ANO4: variants seen among roughly 807,000 people sequenced by gnomAD.
ANO4 encodes anoctamin-4.
A neutral mutation model predicts 141.9 loss-of-function variants in ANO4; 69 were observed. That is an observed-to-expected ratio of 0.49 (90% CI 0.40 to 0.59). ANO4 has a LOEUF of 0.59. Ranked by LOEUF, ANO4 falls within the 20% of genes least tolerant of loss-of-function variation. The pLI is 0.00. For missense variants in ANO4, 894 were observed against 1,162.2 expected, an observed-to-expected ratio of 0.77 and a Z score of 3.36; for synonymous variants, 350 against 394.3, an observed-to-expected ratio of 0.89 and a Z score of 1.33.
intron 1 of ANO4, among the ~76,000 whole-genome samples, chr12:100,868,187 C>T (rs2038853481): frequency 3.3e-5 from 5 of 152,110 alleles, no homozygotes; most frequent in Admixed American, 3.3e-4. Flanking sequence ...CCATAGGATG[C>T]TATGTGGGAG....
chr12:100,730,238 A>G (rs1308566513), intron 1 of ANO4, among the ~76,000 whole-genome samples: 1 of 152,210 alleles, frequency 6.6e-6, no homozygotes, highest in African/African-American at 2.4e-5. Flanking sequence ...AAATTCCACA[A>G]ATATATACAG....
intron 1 of ANO4, among the ~76,000 whole-genome samples, chr12:100,864,163 C>T (rs970664449): frequency 3.9e-5 from 6 of 152,184 alleles, no homozygotes; most frequent in East Asian, 3.9e-4. Context: ...CTAACAATGT[C>T]GTATGCCCGT....
chr12:100,749,207 G>A (rs1306860303), intron 3 of ANO4, among the ~76,000 whole-genome samples: 1 of 152,130 alleles, frequency 6.6e-6, no homozygotes, highest in African/African-American at 2.4e-5. Flanking sequence ...ATCAATAGAG[G>A]TATTGCCGCA....
intron 1 of ANO4, among the ~76,000 whole-genome samples, chr12:100,845,534 A>G (rs992604988): frequency 6.6e-6 from 1 of 152,316 alleles, no homozygotes; most frequent in Non-Finnish European, 1.5e-5. Flanking sequence ...ACATGAGCCA[A>G]TAAATTTGCT....
rs1352027803 is a variant in ANO4 at position 100,821,233 on chromosome 12, G to A, written c.-141+26206G>A. Among the ~76,000 whole-genome samples the A allele has an allele frequency of 2.6e-5, 4 of 152,104 alleles. 1 individual carries two copies. In the South Asian group the frequency reaches 8.3e-4, roughly 32 times the overall value. ...ACCAAATGGTAATCAAAACTTAGTA[G>A]TAAATTTTCAGGAACTAATAAAACA... On this transcript the variant is annotated intron_variant, in intron 1 of 27. Coordinates refer to ENST00000392977, the MANE Select transcript of ANO4 (RefSeq NM_001286615.2).
chr12:100,989,854 A>G (rs140505487), intron 8 of ANO4, among the ~76,000 whole-genome samples: 595 of 141,662 alleles, frequency 4.2e-3, no homozygotes, highest in Non-Finnish European at 7.4e-3. Flanking sequence ...TTGGGTATAC[A>G]CATGGATAGG....
intron 3 of ANO4, among the ~76,000 whole-genome samples, chr12:100,763,709 T>C (rs1437782252): frequency 3.3e-5 from 5 of 152,226 alleles, no homozygotes; most frequent in African/African-American, 1.2e-4. Flanking sequence ...TTTCGGGTCA[T>C]GTGGGCTTTC....
At chr12:100,745,238 T>C (rs964649187) in intron 3 of ANO4, among the ~76,000 whole-genome samples, 2 of 152,216 alleles carry the variant, frequency 1.3e-5, no homozygotes, top group African/African-American at 4.8e-5. Flanking sequence ...GCCATCTACT[T>C]TGATACCTTT....
At chr12:101,085,670 G>T (rs182897919) in intron 16 of ANO4, among the ~76,000 whole-genome samples, 15 of 152,246 alleles carry the variant, frequency 9.9e-5, no homozygotes, top group Admixed American at 8.5e-4. Context: ...AGAGAAAGAA[G>T]ATATGCTGTA....
intron 3 of ANO4, among the ~76,000 whole-genome samples, chr12:100,764,188 A>T (rs570424677): frequency 6.6e-6 from 1 of 152,338 alleles, no homozygotes; most frequent in African/African-American, 2.4e-5. Context: ...CTTCTATCAT[A>T]AAAATGGTTC....
rs148692555 is a variant in ANO4, at chr12:101,020,629, C to G, written c.841+489C>G. Among the ~76,000 whole-genome samples, 1,192 of 152,250 alleles carry G rather than the reference C, an allele frequency of 7.8e-3. 8 individuals carry two copies. Among genetic ancestry groups the G allele is most frequent in the Middle Eastern group, 0.037 (11 of 294 alleles). On this transcript the variant is annotated intron_variant, in intron 9 of 27. Coordinates refer to ENST00000392977, the MANE Select transcript of ANO4 (RefSeq NM_001286615.2). ...GAACTGAGACCTGAATGCTGGGGAA[C>G]CAGTGTGGGAAGATCGAGGGGTAGG...
At chr12:100,938,016 C>G (rs911327394) in intron 3 of ANO4, among the ~76,000 whole-genome samples, 7 of 152,336 alleles carry the variant, frequency 4.6e-5, no homozygotes, top group Middle Eastern at 3.4e-3. Context: ...AAGATATTAA[C>G]ACGTTCTAGG....
intron 9 of ANO4, among the ~76,000 whole-genome samples, chr12:101,034,884 G>C (rs2047132563): frequency 6.6e-6 from 1 of 152,162 alleles, no homozygotes; most frequent in Admixed American, 6.5e-5. Context: ...CATGAGAGTG[G>C]CTAAAATTTA....
Position 100,989,607 on chromosome 12 carries a change from CTGGATGGATGGATAGATGGATGGA to C in ANO4, c.734+1951_734+1974del, listed in dbSNP as rs1290963149. Among the ~76,000 whole-genome samples the C allele has an allele frequency of 3.9e-4, 45 of 116,568 alleles. 1 individual carries two copies. Among genetic ancestry groups the C allele is most frequent in the East Asian group, 5.6e-4 (2 of 3,586 alleles). 76.5% of individuals were successfully genotyped at this position (116,568 alleles called of 152,430 possible). A position where few individuals can be genotyped will look rare whatever the true frequency, so the allele number is the denominator to read the frequency against. On this transcript the variant is annotated intron_variant, in intron 8 of 27. Transcript: ENST00000392977. ...GATGGATGGATACATGGATAGGTCA[CTGGATGGATGGATAGATGGATGGA>C]TGGATGGATGGATGGATGGATGGAT...
At chr12:101,022,041 CAAA>C (rs34942464) in intron 9 of ANO4, among the ~76,000 whole-genome samples, 19 of 76,068 alleles carry the variant, frequency 2.5e-4, no homozygotes, top group African/African-American at 4.5e-4. Flanking sequence ...ATGACTCTGC[CAAA>C]AAAAAAAAAA....
chr12:100,957,436 A>G (rs2043215436), intron 5 of ANO4, among the ~76,000 whole-genome samples: 1 of 152,164 alleles, frequency 6.6e-6, no homozygotes, highest in Admixed American at 6.5e-5. Context: ...CCACACTACC[A>G]CACTGGGGGT....
intron 1 of ANO4, among the ~76,000 whole-genome samples, chr12:100,844,163 A>T (rs1379466727): frequency 3.9e-5 from 6 of 152,126 alleles, no homozygotes; most frequent in African/African-American, 1.4e-4. Context: ...AGCCAGAAAG[A>T]TAATTTCAGA....
At chr12:100,800,212 A>G (rs2034597822) in intron 1 of ANO4, among the ~76,000 whole-genome samples, 1 of 152,208 alleles carries the variant, frequency 6.6e-6, no homozygotes, top group Admixed American at 6.5e-5. Context: ...ATTTCTATGT[A>G]GAGGGGGTGA....
At chr12:101,104,120 C>T (rs2050315422) in intron 22 of ANO4, among the ~76,000 whole-genome samples, 1 of 151,662 alleles carries the variant, frequency 6.6e-6, no homozygotes, top group South Asian at 2.1e-4. Flanking sequence ...TTGTGCTTTT[C>T]TCCCTTTTTT....
Sources: allele counts gnomAD v4.1 joint callset (sites outside exome capture counted in the v4.1 genomes callset), GRCh38; gene constraint gnomAD v4.1.1; transcripts MANE v1.5; gene names NCBI Gene and HGNC (gene_info 2026-07-23, HGNC 2026-07-21).